Variants in MAGI2 observed in about 807,000 individuals in gnomAD.
MAGI2 encodes membrane-associated guanylate kinase, WW and PDZ domain-containing protein 2.
In MAGI2, 35 loss-of-function variants were observed where a neutral mutation model predicts 133.3. That is an observed-to-expected ratio of 0.26 (90% confidence interval 0.20 to 0.35). The LOEUF (loss-of-function observed/expected upper bound fraction) is 0.35, where lower values mean the gene tolerates loss of function less well. Among genes scored for constraint, MAGI2 ranks in the 10% least tolerant of loss-of-function variants. MAGI2 has a pLI of 1.00. For missense variants in MAGI2, 1,636 were observed against 1,863.4 expected, an observed-to-expected ratio of 0.88 and a Z score of 2.25; for synonymous variants, 729 against 710.6, an observed-to-expected ratio of 1.03 and a Z score of -0.41.
intron 3 of MAGI2, among the ~76,000 whole-genome samples, chr7:78,527,399 T>C (rs1563125848): frequency 6.6e-6 from 1 of 152,240 alleles, no homozygotes; most frequent in African/African-American, 2.4e-5. Flanking sequence ...TCTAAAGTGA[T>C]GATTTTACCT....
chr7:78,211,272 G>C (rs1035846197), intron 10 of MAGI2, among the ~76,000 whole-genome samples: 1 of 152,194 alleles, frequency 6.6e-6, no homozygotes, highest in Non-Finnish European at 1.5e-5. Context: ...GACTAGACAG[G>C]AGAATTCACT....
At chr7:79,274,049 G>A (rs1354886628) in intron 1 of MAGI2, among the ~76,000 whole-genome samples, 3 of 152,064 alleles carry the variant, frequency 2.0e-5, no homozygotes, top group African/African-American at 7.2e-5. Flanking sequence ...CTCACCACCT[G>A]GAGGTAGGTT....
chr7:78,831,665 C>T (rs207468110), intron 2 of MAGI2, among the ~76,000 whole-genome samples: 2 of 152,210 alleles, frequency 1.3e-5, no homozygotes, highest in African/African-American at 4.8e-5. Context: ...AACTTCTGTA[C>T]TTTCTACTTC....
intron 1 of MAGI2, among the ~76,000 whole-genome samples, chr7:79,022,545 A>T (rs1809441204): frequency 6.6e-6 from 1 of 151,740 alleles, no homozygotes; most frequent in Non-Finnish European, 1.5e-5. Context: ...AATGAAGGCA[A>T]TTGAGACACA....
At chr7:78,403,170 G>T (rs1295848558) in intron 6 of MAGI2, among the ~76,000 whole-genome samples, 4 of 151,840 alleles carry the variant, frequency 2.6e-5, no homozygotes, top group Non-Finnish European at 5.9e-5. Context: ...CCCATGACAG[G>T]CCCCAGTGTG....
intron 1 of MAGI2, among the ~76,000 whole-genome samples, chr7:79,066,660 G>A (rs1814368769): frequency 6.6e-6 from 1 of 152,112 alleles, no homozygotes; most frequent in Admixed American, 6.6e-5. Flanking sequence ...TGCTTTTGGT[G>A]TTTTAGTCAT....
At chr7:78,072,587 G>A (rs1416137268) in intron 21 of MAGI2, 1 of 223,022 alleles carries the variant, frequency 4.5e-6, no homozygotes, top group Non-Finnish European at 8.7e-6. Flanking sequence ...ATTGTCTGGA[G>A]TTTATTTTTG....
chr7:78,602,195 T>C (rs1805278497), intron 3 of MAGI2, among the ~76,000 whole-genome samples: 1 of 148,520 alleles, frequency 6.7e-6, no homozygotes, highest in Non-Finnish European at 1.5e-5. Flanking sequence ...TGCACAGGCT[T>C]GTTGTTTCAC....
intron 20 of MAGI2, among the ~76,000 whole-genome samples, chr7:78,116,098 A>G (rs1043051536): frequency 6.6e-6 from 1 of 152,242 alleles, no homozygotes; most frequent in Non-Finnish European, 1.5e-5. Context: ...AACAAAATTG[A>G]AAGACTGAAA....
intron 4 of MAGI2, among the ~76,000 whole-genome samples, chr7:78,503,840 C>T (rs1794859245): frequency 6.6e-6 from 1 of 151,398 alleles, no homozygotes; most frequent in African/African-American, 2.4e-5. Context: ...AACAAGGTGC[C>T]TGCTTCCCCT....
chr7:79,101,659 G>T (rs1375571529), intron 1 of MAGI2, among the ~76,000 whole-genome samples: 1 of 147,494 alleles, frequency 6.8e-6, no homozygotes, highest in East Asian at 2.0e-4. Context: ...GGGAGGTGGA[G>T]CTTGTAGTGA....
intron 9 of MAGI2, among the ~76,000 whole-genome samples, chr7:78,300,640 T>C (rs1584787427): frequency 2.0e-5 from 3 of 152,364 alleles, no homozygotes; most frequent in African/African-American, 7.2e-5. Flanking sequence ...TTAATTTCTC[T>C]ACTTTCCAAA....
At chr7:78,372,725 T>G (rs1232184613) in intron 6 of MAGI2, among the ~76,000 whole-genome samples, 2 of 152,126 alleles carry the variant, frequency 1.3e-5, no homozygotes, top group African/African-American at 2.4e-5. Context: ...CTTGGAAAAC[T>G]GGAATAAAAA....
chr7:78,684,882 C>G (rs1012140365), intron 2 of MAGI2, among the ~76,000 whole-genome samples: 2 of 152,028 alleles, frequency 1.3e-5, no homozygotes, highest in Non-Finnish European at 2.9e-5. Flanking sequence ...GCAAATTATG[C>G]ATATGAAAGC....
intron 1 of MAGI2, among the ~76,000 whole-genome samples, chr7:79,100,750 C>G (rs139861047): frequency 3.6e-4 from 55 of 151,702 alleles, no homozygotes; most frequent in African/African-American, 1.3e-3. Flanking sequence ...TTTAAGAATG[C>G]TATTTCCATT....
Position 78,131,727 on chromosome 7 carries a change from G to A in MAGI2, c.3203+1162C>T, listed in dbSNP as rs1045963260. Among the ~76,000 whole-genome samples, 32 of 152,110 alleles carry A rather than the reference G, an allele frequency of 2.1e-4. 1 individual carries two copies. Among genetic ancestry groups the A allele is most frequent in the South Asian group, 1.2e-3 (6 of 4,826 alleles). Reference sequence around the variant, plus strand: ...ATACAAGTCACAATAAGAAGACAATGTTGTTCTTATGACAGTCTTTTTCTG... The same window carrying A: ...ATACAAGTCACAATAAGAAGACAATATTGTTCTTATGACAGTCTTTTTCTG... On this transcript the variant is annotated intron_variant, in intron 18 of 21. Transcript: ENST00000354212.
intron 19 of MAGI2, 152 bp from the exon 20 acceptor site, chr7:78,125,989 C>T: frequency 1.2e-6 from 1 of 810,404 alleles, no homozygotes; most frequent in East Asian, 2.7e-5. Context: ...CATAAACTAC[C>T]CAAATGAAAG....
chr7:78,579,086 T>C (rs2150802758), intron 3 of MAGI2, among the ~76,000 whole-genome samples: 1 of 152,200 alleles, frequency 6.6e-6, no homozygotes, highest in East Asian at 1.9e-4. Flanking sequence ...CACAATCACA[T>C]CCCATCTTCC....
At chr7:78,519,148 A>C (rs11343922) in intron 4 of MAGI2, 63,515 of 147,440 alleles carry the variant, frequency 0.43, 14,395 homozygotes, top group Non-Finnish European at 0.51. Flanking sequence ...AAAAAAAAAA[A>C]CCAATGTGAT....
Sources: gnomAD v4.1 joint callset for allele counts (sites outside exome capture counted in the v4.1 genomes callset) on GRCh38, gnomAD v4.1.1 for gene constraint, MANE v1.5 for transcripts, NCBI Gene and HGNC (gene_info 2026-07-23, HGNC 2026-07-21) for gene names.